ANTXR2: variants seen among roughly 807,000 people sequenced by gnomAD.
ANTXR2 encodes anthrax toxin receptor 2.
In ANTXR2, 44 loss-of-function variants were observed where a neutral mutation model predicts 73.7. The observed-to-expected ratio is 0.60, with a 90% CI of 0.47 to 0.77. The LOEUF is 0.77. Among genes scored for constraint, ANTXR2 ranks in the 30% least tolerant of loss-of-function variants. The probability of loss-of-function intolerance (pLI) is 0.00; values close to 1 mark genes in which losing one functional copy is unlikely to be tolerated. For missense variants in ANTXR2, 604 were observed against 592.5 expected (o/e 1.02, Z -0.20); for synonymous variants, 217 against 205.9 (o/e 1.05, Z -0.46).
intron 16 of ANTXR2, among the ~76,000 whole-genome samples, chr4:79,954,661 C>G (rs559394159): frequency 6.6e-6 from 1 of 152,178 alleles, no homozygotes; most frequent in Non-Finnish European, 1.5e-5. Context: ...GGATTTTGTT[C>G]TATTTATAAA....
intron 16 of ANTXR2, among the ~76,000 whole-genome samples, chr4:79,924,687 C>A (rs573469673): frequency 1.3e-5 from 2 of 152,178 alleles, no homozygotes; most frequent in East Asian, 3.9e-4. Context: ...GCATTAGGAA[C>A]ATGAAAGTAC....
chr4:79,992,600 A>AT (rs1031775070), intron 12 of ANTXR2, among the ~76,000 whole-genome samples: 17 of 152,002 alleles, frequency 1.1e-4, no homozygotes. Flanking sequence ...CCAGTAGAGA[A>AT]TTAAGATTTA....
intron 14 of ANTXR2, among the ~76,000 whole-genome samples, chr4:79,983,635 C>G (rs1729979442): frequency 6.6e-6 from 1 of 152,002 alleles, no homozygotes; most frequent in South Asian, 2.1e-4. Flanking sequence ...TTTGTTTTGT[C>G]CCTTAGAATT....
chr4:79,935,603 A>G (rs751164041), intron 16 of ANTXR2, among the ~76,000 whole-genome samples: 1 of 152,200 alleles, frequency 6.6e-6, no homozygotes, highest in African/African-American at 2.4e-5. Flanking sequence ...TAAGAAGAAG[A>G]AGCAAAGTGC....
chr4:79,987,589 C>A (rs1319534934), intron 12 of ANTXR2, among the ~76,000 whole-genome samples: 8 of 152,160 alleles, frequency 5.3e-5, no homozygotes, highest in African/African-American at 1.9e-4. Context: ...CCCAACCTCA[C>A]TACACAGGTA....
At chr4:80,016,376 C>A (rs1323058924) in intron 11 of ANTXR2, among the ~76,000 whole-genome samples, 1 of 152,172 alleles carries the variant, frequency 6.6e-6, no homozygotes, top group Non-Finnish European at 1.5e-5. Flanking sequence ...CATCCCCTTT[C>A]TTTGCTGACA....
rs940448311 is a variant in ANTXR2, at chr4:80,035,857, A to T, written c.697+115T>A. 20 of 820,938 alleles carry T rather than the reference A, an allele frequency of 2.4e-5. No homozygotes were observed. The Admixed American group carries it at 6.2e-4, about 25-fold the overall frequency. The allele number at this position is 820,938 out of a possible 1,614,324, so 50.9% of individuals were successfully genotyped here. A position where few individuals can be genotyped will look rare whatever the true frequency, so the allele number is the denominator to read the frequency against. On this transcript the variant is annotated intron_variant, in intron 8 of 16. Coordinates refer to ENST00000403729, the MANE Select transcript of ANTXR2 (RefSeq NM_058172.6). The stretch of plus-strand genomic sequence containing the variant: ...ATTTAAAAATTCTTACACAAAAAAG[A>T]TGCCAAAAAAGTTAATTTTGCTATT...
chr4:79,975,352 G>A (rs376394562), intron 16 of ANTXR2, among the ~76,000 whole-genome samples: 122 of 152,198 alleles, frequency 8.0e-4, no homozygotes, highest in African/African-American at 2.5e-3. Context: ...TCTTAAGGGC[G>A]GAGGCTGCTG....
At chr4:79,965,888 T>G (rs1230681223) in intron 16 of ANTXR2, among the ~76,000 whole-genome samples, 15 of 152,186 alleles carry the variant, frequency 9.9e-5, no homozygotes, top group Non-Finnish European at 1.8e-4. Flanking sequence ...ATAAAAGTGA[T>G]ATACATTTTC....
At position 79,903,976 on chromosome 4, in the gene ANTXR2, G is replaced by T. The variant is rs928985875; in HGVS notation, c.*3453C>A. The T allele has an allele frequency of 1.3e-5, 2 of 152,094 alleles. No individual in the cohort carries two copies. The highest frequency in any genetic ancestry group is 4.8e-5 in the African/African-American group (2 of 41,440). The allele number at this position is 152,094 out of a possible 1,614,324, so 9.4% of individuals were successfully genotyped here. A position where few individuals can be genotyped will look rare whatever the true frequency, so the allele number is the denominator to read the frequency against. ...CAATATACAATATATGCATGGAGTA[G>T]GAAGTTATAATTCCTTCTACTTGTA... On this transcript the variant is annotated 3_prime_UTR_variant, in exon 17 of 17. Coordinates refer to ENST00000403729, the MANE Select transcript of ANTXR2 (RefSeq NM_058172.6).
At chr4:80,011,896 G>T (rs990832216) in intron 11 of ANTXR2, among the ~76,000 whole-genome samples, 3 of 152,178 alleles carry the variant, frequency 2.0e-5, no homozygotes, top group Non-Finnish European at 4.4e-5. Context: ...TGTGTCATCT[G>T]CATCTAATTT....
intron 16 of ANTXR2, among the ~76,000 whole-genome samples, chr4:79,959,545 T>C (rs766011880): frequency 6.6e-6 from 1 of 152,192 alleles, no homozygotes; most frequent in Non-Finnish European, 1.5e-5. Context: ...GGTAATTATG[T>C]TATCTGATGG....
chr4:80,016,585 A>G (rs1731883076), intron 11 of ANTXR2, among the ~76,000 whole-genome samples: 1 of 152,020 alleles, frequency 6.6e-6, no homozygotes, highest in African/African-American at 2.4e-5. Flanking sequence ...TCCAATCCAG[A>G]CCTCTCTCAG....
chr4:79,906,153 G>A lies in ANTXR2; in HGVS notation c.*1276C>T, dbSNP rs1485970348. ...GCTAACATAATTTGGCATCGTCGAC[G>A]TGACACGATGGTGGTTTTTCTAAAA... On this transcript the variant is annotated 3_prime_UTR_variant, in exon 17 of 17. Transcript: ENST00000403729. 3 of 152,552 alleles carry A rather than the reference G, an allele frequency of 2.0e-5. No individual in the cohort carries two copies. Among genetic ancestry groups the A allele is most frequent in the East Asian group, 1.9e-4 (1 of 5,190 alleles). 9.4% of individuals were successfully genotyped at this position (152,552 alleles called of 1,614,324 possible).
chr4:80,020,594 C>A (rs939753649), intron 10 of ANTXR2, among the ~76,000 whole-genome samples: 14 of 152,030 alleles, frequency 9.2e-5, no homozygotes, highest in Non-Finnish European at 1.8e-4. Flanking sequence ...GGCAGGAGGC[C>A]CAGAAATGTT....
rs572381265 is a variant in ANTXR2, at chr4:79,985,838, C to CTTTTT, written c.1042-980_1042-976dup. Among the ~76,000 whole-genome samples, 143 of 111,650 alleles carry CTTTTT rather than the reference C, an allele frequency of 1.3e-3. 2 individuals are homozygous for CTTTTT. The highest frequency in any genetic ancestry group is 3.1e-3 in the African/African-American group (94 of 30,734). 73.2% of individuals were successfully genotyped at this position (111,650 alleles called of 152,430 possible). A position where few individuals can be genotyped will look rare whatever the true frequency, so the allele number is the denominator to read the frequency against. On this transcript the variant is annotated intron_variant, in intron 12 of 16. Transcript: ENST00000403729. The stretch of plus-strand genomic sequence containing the variant: ...CTCATGAAATCTTTCACAGTTAATT[C>CTTTTT]TTTTTTTTTTTTTTTTTTTTGAGAC...
At chr4:80,018,861 C>T in intron 11 of ANTXR2, 37 bp downstream of exon 11, 1 of 1,411,144 alleles carries the variant, frequency 7.1e-7, no homozygotes, top group Non-Finnish European at 9.6e-7. Context: ...GATGGAATTG[C>T]TTTTAAAAGA....
rs1346881525 is a variant in ANTXR2, at chr4:79,988,646, G to T, written c.1042-3783C>A. ...ACCTAACCTCAGCACTTAACCAAATGGACCTAACAGACATCAACAGAATAC... is the reference window on the plus strand; with the variant it reads ...ACCTAACCTCAGCACTTAACCAAATTGACCTAACAGACATCAACAGAATAC... On this transcript the variant is annotated intron_variant, in intron 12 of 16. Coordinates refer to ENST00000403729, the MANE Select transcript of ANTXR2 (RefSeq NM_058172.6). 3.3e-5 allele frequency among the ~76,000 whole-genome samples: 5 copies of T among 152,062 alleles called. No homozygotes were observed. In the East Asian group the frequency reaches 9.6e-4, roughly 29 times the overall value.
At position 79,906,152 on chromosome 4, in the gene ANTXR2, C is replaced by G. The variant is rs776096431; in HGVS notation, c.*1277G>C. ...CGCTAACATAATTTGGCATCGTCGA[C>G]GTGACACGATGGTGGTTTTTCTAAA... is the stretch of plus-strand genomic sequence containing the variant. On this transcript the variant is annotated 3_prime_UTR_variant, in exon 17 of 17. Transcript: ENST00000403729. 2.6e-5 allele frequency: 4 copies of G among 152,572 alleles called. No individual in the cohort carries two copies. The highest frequency in any genetic ancestry group is 5.9e-5 in the Non-Finnish European group (4 of 68,028). 9.5% of individuals were successfully genotyped at this position (152,572 alleles called of 1,614,324 possible). A position where few individuals can be genotyped will look rare whatever the true frequency, so the allele number is the denominator to read the frequency against.
Sources: gnomAD v4.1 joint callset for allele counts (sites outside exome capture counted in the v4.1 genomes callset) on GRCh38, gnomAD v4.1.1 for gene constraint, MANE v1.5 for transcripts, NCBI Gene and HGNC (gene_info 2026-07-23, HGNC 2026-07-21) for gene names.